The following AK8 variants were observed in gnomAD, a reference collection of about 807,000 sequenced individuals.
AK8 encodes ATP-AMP transphosphorylase 8.
A neutral mutation model predicts 54.6 loss-of-function variants in AK8; 44 were observed. That is an observed-to-expected ratio of 0.81 (90% CI 0.63 to 1.04). AK8 has a LOEUF of 1.04. Ranked by LOEUF, AK8 falls within the 50% of genes least tolerant of loss-of-function variation. The pLI, the probability that AK8 is intolerant of heterozygous loss-of-function variation, is 0.00. For missense variants in AK8, 555 were observed against 613.6 expected (o/e 0.90, Z 1.01); for synonymous variants, 239 against 245.6 (o/e 0.97, Z 0.25).
At chr9:132,878,405 G>C, upstream of AK8, 1 of 1,239,334 alleles carries the variant, frequency 8.1e-7, no homozygotes, top group Non-Finnish European at 1.0e-6. This position sits in a 1 kb window ranked among gnomAD's most constrained non-coding sequence, Gnocchi z 4.7. Context: ...CCCCCGCCCC[G>C]ACCTCCCCGG....
intron 11 of AK8, among the ~76,000 whole-genome samples, chr9:132,760,606 TTAA>T (rs1454500752): frequency 1.3e-5 from 2 of 152,282 alleles, no homozygotes; most frequent in African/African-American, 2.4e-5. Flanking sequence ...ACTGCACTGT[TTAA>T]TAATGTTTCA....
intron 5 of AK8, 141 bp downstream of exon 5, chr9:132,854,716 A>G: frequency 1.2e-6 from 1 of 835,886 alleles, no homozygotes; most frequent in South Asian, 1.6e-5. Context: ...CCATGTCTGT[A>G]GACTGACCTT....
intron 11 of AK8, among the ~76,000 whole-genome samples, chr9:132,736,977 G>A (rs1355835299): frequency 1.3e-5 from 2 of 152,046 alleles, no homozygotes; most frequent in Non-Finnish European, 2.9e-5. Flanking sequence ...GCAGGGGGAA[G>A]GGGAAATTGG....
At chr9:132,728,983 G>A (rs1289095181) in intron 11 of AK8, among the ~76,000 whole-genome samples, 1 of 151,738 alleles carries the variant, frequency 6.6e-6, no homozygotes, top group Non-Finnish European at 1.5e-5. Context: ...CCCAGGCTCA[G>A]TCAATCTGCC....
Position 132,791,045 on chromosome 9 carries a change from G to A in AK8, c.1121+1589C>T, listed in dbSNP as rs1839925520. Among the ~76,000 whole-genome samples, 1 of 152,164 alleles carries A rather than the reference G, an allele frequency of 6.6e-6. No individual in the cohort carries two copies. Among genetic ancestry groups the A allele is most frequent in the South Asian group, 2.1e-4 (1 of 4,832 alleles). ...AGACAGAATATATCCATGTCAAACTGTAACGGATTGTATTAGTCCGTTTCA... is the reference window on the plus strand; with the variant it reads ...AGACAGAATATATCCATGTCAAACTATAACGGATTGTATTAGTCCGTTTCA... On this transcript the variant is annotated intron_variant, in intron 11 of 12. Coordinates refer to ENST00000298545, the MANE Select transcript of AK8 (RefSeq NM_152572.3). This position sits in a 1 kb window ranked among gnomAD's most constrained non-coding sequence, Gnocchi z 4.0.
At position 132,842,325 on chromosome 9, in the gene AK8, G is replaced by GTTCATTCA. The variant is rs367839334; in HGVS notation, c.402+12524_402+12531dup. Among the ~76,000 whole-genome samples the GTTCATTCA allele has an allele frequency of 5.4e-3, 819 of 152,114 alleles. 5 individuals carry two copies. The highest frequency in any genetic ancestry group is 0.019 in the African/African-American group (769 of 41,426). On this transcript the variant is annotated intron_variant, in intron 5 of 12. Coordinates refer to ENST00000298545, the MANE Select transcript of AK8 (RefSeq NM_152572.3). ...GCATTGATTGATTCATTATTGACTG[G>GTTCATTCA]TTCATTCATTCATTCATTCATTCAT...
intron 11 of AK8, among the ~76,000 whole-genome samples, chr9:132,776,754 A>G (rs1302685878): frequency 6.6e-6 from 1 of 152,100 alleles, no homozygotes; most frequent in Admixed American, 6.5e-5. Flanking sequence ...TTCTCATCCC[A>G]CCCCAAGACA....
chr9:132,793,976 C>A (rs1366263914), intron 10 of AK8, among the ~76,000 whole-genome samples: 1 of 152,092 alleles, frequency 6.6e-6, no homozygotes, highest in Non-Finnish European at 1.5e-5. Context: ...TCCACAGGGC[C>A]CCCCAGGCTG....
At chr9:132,867,249 A>G (rs912447163) in intron 2 of AK8, among the ~76,000 whole-genome samples, 1 of 152,194 alleles carries the variant, frequency 6.6e-6, no homozygotes, top group Non-Finnish European at 1.5e-5. Flanking sequence ...AAACACCACA[A>G]AGCATTTTAA....
intron 11 of AK8, among the ~76,000 whole-genome samples, chr9:132,737,677 C>G (rs181899931): frequency 1.3e-5 from 2 of 152,270 alleles, no homozygotes; most frequent in Non-Finnish European, 2.9e-5. Flanking sequence ...TACACCAATT[C>G]CTAACAAAAA....
chr9:132,767,601 T>C (rs1838778997), intron 11 of AK8, among the ~76,000 whole-genome samples: 2 of 152,192 alleles, frequency 1.3e-5, no homozygotes, highest in African/African-American at 4.8e-5. Context: ...AATTCCACTG[T>C]GGGATGTGTA....
chr9:132,807,603 C>A (rs1485967550), intron 10 of AK8, among the ~76,000 whole-genome samples: 1 of 152,178 alleles, frequency 6.6e-6, no homozygotes, highest in African/African-American at 2.4e-5. Context: ...ATTCACTGGG[C>A]CCGGCAACCT....
chr9:132,738,991 G>A lies in AK8; in HGVS notation c.1122-11457C>T, dbSNP rs553930013. 3.3e-5 allele frequency among the ~76,000 whole-genome samples: 5 copies of A among 151,890 alleles called. No individual in the cohort carries two copies. In the South Asian group the frequency reaches 1.0e-3, roughly 32 times the overall value. On this transcript the variant is annotated intron_variant, in intron 11 of 12. Coordinates refer to ENST00000298545, the MANE Select transcript of AK8 (RefSeq NM_152572.3). ...GCTGGTCTTGAATTCCTGGGCTGAAGTGACCCTCCAACCTCAGCCTCCCAA... is the reference window on the plus strand; with the variant it reads ...GCTGGTCTTGAATTCCTGGGCTGAAATGACCCTCCAACCTCAGCCTCCCAA...
intron 11 of AK8, among the ~76,000 whole-genome samples, chr9:132,783,943 T>C (rs1428677092): frequency 6.6e-6 from 1 of 152,114 alleles, no homozygotes; most frequent in Admixed American, 6.5e-5. Context: ...ATCCGAATTA[T>C]GAAAAGCTGA....
At chr9:132,728,276 G>C (rs1325402360) in intron 11 of AK8, among the ~76,000 whole-genome samples, 1 of 152,198 alleles carries the variant, frequency 6.6e-6, no homozygotes, top group East Asian at 1.9e-4. Flanking sequence ...GGCTCCCCTG[G>C]TTCAGGGATA....
chr9:132,846,410 A>G (rs1842749003), intron 5 of AK8, among the ~76,000 whole-genome samples: 1 of 152,226 alleles, frequency 6.6e-6, no homozygotes, highest in South Asian at 2.1e-4. Flanking sequence ...CTCCATGACT[A>G]GAACTTCTGT....
chr9:132,864,538 G>A (rs1359977291), intron 3 of AK8, among the ~76,000 whole-genome samples: 1 of 152,212 alleles, frequency 6.6e-6, no homozygotes, highest in Admixed American at 6.5e-5. Context: ...TGAGGATTTG[G>A]CTTTGAAGCT....
chr9:132,736,717 G>A (rs996255677), intron 11 of AK8, among the ~76,000 whole-genome samples: 23 of 146,450 alleles, frequency 1.6e-4, no homozygotes, highest in Non-Finnish European at 3.1e-4. Context: ...CCCGGGAGGC[G>A]AAGCTTGAAG....
chr9:132,746,713 A>C (rs183674377), intron 11 of AK8, among the ~76,000 whole-genome samples: 1 of 152,324 alleles, frequency 6.6e-6, no homozygotes, highest in South Asian at 2.1e-4. Context: ...AGTGAGGTCT[A>C]CAAGAATGCC....
Sources: gnomAD v4.1 joint callset for allele counts (sites outside exome capture counted in the v4.1 genomes callset) on GRCh38, gnomAD v4.1.1 for gene constraint, Gnocchi (gnomAD v3.1) non-coding constraint, MANE v1.5 for transcripts, NCBI Gene and HGNC (gene_info 2026-07-23, HGNC 2026-07-21) for gene names.